NCKAP1: variants seen among roughly 807,000 people sequenced by gnomAD.
NCKAP1 encodes the protein NCK associated protein 1.
Under a neutral mutation model 151.2 loss-of-function variants are expected in NCKAP1, and 21 were observed. The observed-to-expected ratio is 0.14, with a 90% CI of 0.10 to 0.20. NCKAP1 has a LOEUF of 0.20. Ranked by LOEUF, NCKAP1 falls within the 10% of genes least tolerant of loss-of-function variation. NCKAP1 has a pLI of 1.00. For missense variants in NCKAP1, 933 were observed against 1,352.1 expected (o/e 0.69, Z 4.86); for synonymous variants, 484 against 451.8 (o/e 1.07, Z -0.90).
chr2:182,984,410 G>C (rs1698005767), intron 10 of NCKAP1, among the ~76,000 whole-genome samples: 1 of 115,330 alleles, frequency 8.7e-6, no homozygotes, highest in African/African-American at 2.9e-5. Flanking sequence ...GAAAGTTTTA[G>C]AATTTAGATT....
At chr2:182,939,548 T>C (rs1559073773) in intron 24 of NCKAP1, among the ~76,000 whole-genome samples, 1 of 151,822 alleles carries the variant, frequency 6.6e-6, no homozygotes, top group Non-Finnish European at 1.5e-5. Flanking sequence ...AAAATAAAAA[T>C]AGATAAAATA....
chr2:183,028,893 C>T (rs140253048), intron 1 of NCKAP1, among the ~76,000 whole-genome samples: 8,209 of 151,380 alleles, frequency 0.054, 294 homozygotes, highest in Non-Finnish European at 0.08. Context: ...GTGGGCAGAT[C>T]GCGAGGTCAG....
chr2:182,981,482 G>A (rs532219308), intron 12 of NCKAP1, 106 bp from the exon 13 acceptor site: 3 of 859,126 alleles, frequency 3.5e-6, no homozygotes, highest in African/African-American at 1.7e-5. Flanking sequence ...TCTTATAAAG[G>A]GCATTGTTTA....
intron 18 of NCKAP1, among the ~76,000 whole-genome samples, chr2:182,959,486 C>A (rs556934043): frequency 1.3e-5 from 2 of 152,288 alleles, no homozygotes; most frequent in East Asian, 3.9e-4. Flanking sequence ...ACGACAAAAA[C>A]CACATGATTA....
rs527508855 is a variant in NCKAP1, at chr2:182,994,326, T to C, written c.790+513A>G. 3.9e-4 allele frequency among the ~76,000 whole-genome samples: 59 copies of C among 152,208 alleles called. 1 individual carries two copies. The highest frequency in any genetic ancestry group is 1.2e-3 in the Admixed American group (18 of 15,280). On this transcript the variant is annotated intron_variant, in intron 8 of 30. Transcript: ENST00000361354. Reference sequence around the variant, plus strand: ...CTCACTAGCTGTGTGGCCTAAGCTTTAGATTCCCCAGCTTTAAAATAGACT... The same window carrying C: ...CTCACTAGCTGTGTGGCCTAAGCTTCAGATTCCCCAGCTTTAAAATAGACT...
chr2:182,984,151 T>C (rs1431104147), intron 10 of NCKAP1, among the ~76,000 whole-genome samples: 1 of 152,142 alleles, frequency 6.6e-6, no homozygotes, highest in African/African-American at 2.4e-5. Context: ...TATTAAGTTA[T>C]ATTCCTATTA....
intron 13 of NCKAP1, among the ~76,000 whole-genome samples, chr2:182,980,063 T>C (rs1421151138): frequency 2.6e-5 from 4 of 152,128 alleles, no homozygotes; most frequent in Non-Finnish European, 5.9e-5. Flanking sequence ...TCAGGAATTC[T>C]GGTTTACTTT....
chr2:182,959,745 A>C (rs1227737045), intron 18 of NCKAP1, among the ~76,000 whole-genome samples: 2 of 152,208 alleles, frequency 1.3e-5, no homozygotes, highest in Admixed American at 1.3e-4. Flanking sequence ...CAGGGCAATC[A>C]GGCAGGAGAA....
intron 18 of NCKAP1, among the ~76,000 whole-genome samples, chr2:182,957,952 A>C (rs539949228): frequency 6.6e-6 from 1 of 152,350 alleles, no homozygotes; most frequent in South Asian, 2.1e-4. Context: ...TTGGAAAAAA[A>C]CTGTGTAAAG....
chr2:183,010,874 C>G (rs889123736), intron 2 of NCKAP1, among the ~76,000 whole-genome samples: 1 of 152,162 alleles, frequency 6.6e-6, no homozygotes, highest in Non-Finnish European at 1.5e-5. Context: ...AGTTCCTTTA[C>G]ATTCAATTTT....
intron 24 of NCKAP1, 124 bp from the exon 25 acceptor site, chr2:182,935,499 C>T: frequency 1.8e-6 from 1 of 551,572 alleles, no homozygotes; most frequent in Non-Finnish European, 3.1e-6. Flanking sequence ...GCACAATTAA[C>T]AGTAATTTGA....
At chr2:182,949,467 A>AT (rs1294487994) in intron 23 of NCKAP1, among the ~76,000 whole-genome samples, 20 of 152,228 alleles carry the variant, frequency 1.3e-4, no homozygotes, top group Admixed American at 1.3e-3. Flanking sequence ...AGTTAATAAG[A>AT]TAAGTGAAGA....
At chr2:182,942,970 C>A (rs914150366) in intron 23 of NCKAP1, among the ~76,000 whole-genome samples, 1 of 152,114 alleles carries the variant, frequency 6.6e-6, no homozygotes, top group East Asian at 1.9e-4. Context: ...GTTACCTGTG[C>A]GGTCTGCTTT....
chr2:182,958,694 C>A (rs1559082071), intron 18 of NCKAP1, among the ~76,000 whole-genome samples: 1 of 152,160 alleles, frequency 6.6e-6, no homozygotes, highest in Non-Finnish European at 1.5e-5. Context: ...TTCTACCTAA[C>A]ACATTGTTAA....
intron 2 of NCKAP1, among the ~76,000 whole-genome samples, chr2:183,018,675 C>A (rs1400128): frequency 0.99 from 150,338 of 152,342 alleles, 74,209 homozygotes; most frequent in East Asian, 1. Context: ...TTTTAGCTAA[C>A]ATTAACTCCA....
intron 25 of NCKAP1, 97 bp downstream of exon 25, chr2:182,935,196 T>C: frequency 1.2e-6 from 1 of 847,472 alleles, no homozygotes; most frequent in Non-Finnish European, 1.8e-6. Context: ...TTTAATTATA[T>C]CATTGCTAAG....
chr2:183,004,544 A>G (rs1158106159), intron 2 of NCKAP1, among the ~76,000 whole-genome samples: 2 of 151,246 alleles, frequency 1.3e-5, no homozygotes, highest in Non-Finnish European at 2.9e-5. Context: ...CTACTATTAT[A>G]GGGTAAACCA....
At chr2:182,968,014 G>A (rs1436886406) in intron 15 of NCKAP1, among the ~76,000 whole-genome samples, 1 of 152,204 alleles carries the variant, frequency 6.6e-6, no homozygotes, top group African/African-American at 2.4e-5. Flanking sequence ...TAGAAGGGAT[G>A]CCTACAGAAT....
chr2:182,937,115 A>C (rs1413921410), intron 24 of NCKAP1, among the ~76,000 whole-genome samples: 1 of 2,276 alleles, frequency 4.4e-4, no homozygotes, highest in East Asian at 0.071. Context: ...ACTGTCTCAC[A>C]AAAAAAAAAA....
Sources: allele counts gnomAD v4.1 joint callset (sites outside exome capture counted in the v4.1 genomes callset), GRCh38; gene constraint gnomAD v4.1.1; transcripts MANE v1.5; gene names NCBI Gene and HGNC (gene_info 2026-07-23, HGNC 2026-07-21).